SEMA6D: variants seen among roughly 807,000 people sequenced by gnomAD.
The protein encoded by SEMA6D is semaphorin 6D.
SEMA6D carries 35 observed loss-of-function variants against 106.6 expected under a neutral mutation model. That is an observed-to-expected ratio of 0.33 (90% CI 0.25 to 0.44). The LOEUF (loss-of-function observed/expected upper bound fraction) is 0.44, where lower values mean the gene tolerates loss of function less well. Among genes scored for constraint, SEMA6D ranks in the 20% least tolerant of loss-of-function variants. The pLI is 1.00. For missense variants in SEMA6D, 1,185 were observed against 1,345.9 expected (o/e 0.88, Z 1.87); for synonymous variants, 499 against 487.7 (o/e 1.02, Z -0.31).
At chr15:47,243,162 A>C (rs1333064693) in intron 1 of SEMA6D, among the ~76,000 whole-genome samples, 2 of 152,134 alleles carry the variant, frequency 1.3e-5, no homozygotes, top group Non-Finnish European at 2.9e-5. Context: ...AGTGAGAAAT[A>C]CAATTTTAGT....
At chr15:47,491,566 A>G (rs928260772) in intron 3 of SEMA6D, among the ~76,000 whole-genome samples, 1 of 152,198 alleles carries the variant, frequency 6.6e-6, no homozygotes, top group Non-Finnish European at 1.5e-5. Context: ...AGGGGATGGT[A>G]AGGAATGGCA....
intron 2 of SEMA6D, among the ~76,000 whole-genome samples, chr15:47,456,248 C>T (rs1410469998): frequency 1.3e-5 from 2 of 151,902 alleles, no homozygotes; most frequent in African/African-American, 4.8e-5. Flanking sequence ...ATCATGGAGT[C>T]CATACACCTC....
chr15:47,244,354 C>G (rs2033088921), intron 1 of SEMA6D, among the ~76,000 whole-genome samples: 1 of 152,132 alleles, frequency 6.6e-6, no homozygotes. Context: ...AGAAGAATAT[C>G]TTTTCTTCAG....
intron 2 of SEMA6D, among the ~76,000 whole-genome samples, chr15:47,417,043 G>A (rs750898954): frequency 2.6e-5 from 4 of 152,008 alleles, no homozygotes; most frequent in Admixed American, 1.3e-4. Context: ...GACAGATTGA[G>A]AGCCTCTGAT....
At chr15:47,200,293 A>C (rs1247401465) in intron 1 of SEMA6D, among the ~76,000 whole-genome samples, 1 of 152,168 alleles carries the variant, frequency 6.6e-6, no homozygotes. Flanking sequence ...AAGAAGACCA[A>C]CTATATTTGT....
intron 3 of SEMA6D, among the ~76,000 whole-genome samples, chr15:47,554,922 T>G (rs1411878321): frequency 6.6e-6 from 1 of 152,184 alleles, no homozygotes; most frequent in African/African-American, 2.4e-5. Context: ...TGATTTATAA[T>G]TATACAGAAA....
intron 4 of SEMA6D, among the ~76,000 whole-genome samples, chr15:47,627,727 T>C (rs1225854880): frequency 6.6e-6 from 1 of 152,146 alleles, no homozygotes; most frequent in Non-Finnish European, 1.5e-5. Flanking sequence ...TAATAATATC[T>C]TACAAAAGTA....
intron 1 of SEMA6D, among the ~76,000 whole-genome samples, chr15:47,210,965 A>C (rs1013012026): frequency 6.6e-6 from 1 of 151,990 alleles, no homozygotes; most frequent in African/African-American, 2.4e-5. Context: ...GTCAATGCTC[A>C]TATATTGGCT....
At chr15:47,510,779 G>A (rs2044202837) in intron 3 of SEMA6D, among the ~76,000 whole-genome samples, 1 of 152,168 alleles carries the variant, frequency 6.6e-6, no homozygotes, top group African/African-American at 2.4e-5. Flanking sequence ...GGCAGGGAGT[G>A]TCAGTGGGCC....
At chr15:47,687,742 A>T (rs2078499780) in intron 4 of SEMA6D, among the ~76,000 whole-genome samples, 1 of 152,178 alleles carries the variant, frequency 6.6e-6, no homozygotes, top group Non-Finnish European at 1.5e-5. Context: ...GAAAAGTAGC[A>T]GAGAGAGATT....
intron 4 of SEMA6D, among the ~76,000 whole-genome samples, chr15:47,670,893 C>T (rs560316750): frequency 6.6e-6 from 1 of 152,030 alleles, no homozygotes; most frequent in Non-Finnish European, 1.5e-5. Flanking sequence ...TTTTGGTTTC[C>T]ATTTAATTAC....
chr15:47,269,133 T>C (rs2034450635), intron 1 of SEMA6D, among the ~76,000 whole-genome samples: 1 of 152,162 alleles, frequency 6.6e-6, no homozygotes, highest in African/African-American at 2.4e-5. Flanking sequence ...TTATGTATGC[T>C]TTATTTTTTT....
At chr15:47,201,845 C>T (rs373262843) in intron 1 of SEMA6D, among the ~76,000 whole-genome samples, 2 of 151,954 alleles carry the variant, frequency 1.3e-5, no homozygotes, top group Non-Finnish European at 2.9e-5. Flanking sequence ...ATTTCTATAC[C>T]CTACTCCTCA....
intron 3 of SEMA6D, among the ~76,000 whole-genome samples, chr15:47,500,487 T>C (rs997204036): frequency 2.0e-5 from 3 of 152,180 alleles, no homozygotes; most frequent in Admixed American, 6.6e-5. Flanking sequence ...ATTGAAATCA[T>C]TTTATATAAA....
At chr15:47,547,021 G>A (rs963871805) in intron 3 of SEMA6D, among the ~76,000 whole-genome samples, 5 of 152,036 alleles carry the variant, frequency 3.3e-5, no homozygotes, top group African/African-American at 1.2e-4. Context: ...GAGGATCACA[G>A]CTTACAAAAA....
chr15:47,598,607 G>A (rs578161592), intron 3 of SEMA6D, among the ~76,000 whole-genome samples: 16 of 152,030 alleles, frequency 1.1e-4, no homozygotes, highest in Admixed American at 3.3e-4. Context: ...GCATAAAAGC[G>A]TCTTCACCTG....
At chr15:47,412,583 G>A (rs571532923) in intron 2 of SEMA6D, 1 of 152,220 alleles carries the variant, frequency 6.6e-6, no homozygotes, top group African/African-American at 2.4e-5. Context: ...GATCAGTAAA[G>A]ATCTCTGCTC....
intron 2 of SEMA6D, chr15:47,412,563 T>A (rs1377952304): frequency 1.3e-5 from 2 of 152,374 alleles, no homozygotes; most frequent in African/African-American, 4.8e-5. Flanking sequence ...TGTTTAGGTA[T>A]ATCTTTTTTG....
chr15:47,327,930 C>T (rs144333240), intron 1 of SEMA6D, among the ~76,000 whole-genome samples: 2 of 152,202 alleles, frequency 1.3e-5, no homozygotes, highest in Admixed American at 1.3e-4. Context: ...ACTATCTCAG[C>T]GTTATACCTA....
Sources: allele counts gnomAD v4.1 joint callset (sites outside exome capture counted in the v4.1 genomes callset), GRCh38; gene constraint gnomAD v4.1.1; transcripts MANE v1.5; gene names NCBI Gene and HGNC (gene_info 2026-07-23, HGNC 2026-07-21).